The following TMEM170A variants were observed in gnomAD, a reference collection of about 807,000 sequenced individuals.
TMEM170A encodes transmembrane protein 170A, also known as transmembrane protein 170.
A neutral mutation model predicts 12.8 loss-of-function variants in TMEM170A; 18 were observed. That is an observed-to-expected ratio of 1.41 (90% CI 0.97 to 2.09). The LOEUF (loss-of-function observed/expected upper bound fraction) is 2.09. Among genes scored for constraint, TMEM170A ranks in the 30% most tolerant of loss-of-function variants. The pLI is 0.00. For missense variants in TMEM170A, 220 were observed against 179.9 expected (o/e 1.22, Z -1.28); for synonymous variants, 107 against 76.2 (o/e 1.40, Z -2.11).
intron 1 of TMEM170A, among the ~76,000 whole-genome samples, chr16:75,459,185 T>G (rs2079856040): frequency 6.6e-6 from 1 of 152,196 alleles, no homozygotes; most frequent in African/African-American, 2.4e-5. Context: ...TGAGCCACTG[T>G]GCCCAGCCTA....
intron 2 of TMEM170A, chr16:75,451,348 G>A (rs1017230831): frequency 1.4e-5 from 6 of 424,114 alleles, no homozygotes; most frequent in Non-Finnish European, 2.5e-5. Flanking sequence ...TCAGGAGTTC[G>A]AGACCCGGGC....
intron 1 of TMEM170A, among the ~76,000 whole-genome samples, chr16:75,463,931 C>G (rs978197735): frequency 2.0e-5 from 3 of 152,220 alleles, no homozygotes; most frequent in Admixed American, 1.3e-4. Context: ...TCCTAGAAAG[C>G]GGAGCGGGTC....
chr16:75,458,872 G>A (rs2079847459), intron 1 of TMEM170A: 1 of 152,060 alleles, frequency 6.6e-6, no homozygotes, highest in Admixed American at 6.6e-5. Context: ...TTTCCTTGAG[G>A]ATATATTTTT....
At chr16:75,456,669 G>A (rs551773294) in intron 1 of TMEM170A, among the ~76,000 whole-genome samples, 6 of 152,226 alleles carry the variant, frequency 3.9e-5, no homozygotes, top group Non-Finnish European at 5.9e-5. Context: ...GCCCAGAGAC[G>A]CACCCTCCCT....
At chr16:75,464,271 G>T in intron 1 of TMEM170A, 197 bp downstream of exon 1, 2 of 1,494,684 alleles carry the variant, frequency 1.3e-6, no homozygotes, top group South Asian at 1.2e-5. Flanking sequence ...GCGGGACTCC[G>T]GGGCTCCGCC....
Position 75,443,411 on chromosome 16 carries a change from C to T in TMEM170A, c.*4147G>A, listed in dbSNP as rs146896172. Reference sequence around the variant, plus strand: ...TAAGCTGATCTGAGTCACAACCAGCCTTATAGAGTGCACAAAAAAGAAATG... The same window carrying T: ...TAAGCTGATCTGAGTCACAACCAGCTTTATAGAGTGCACAAAAAAGAAATG... On this transcript the variant is annotated 3_prime_UTR_variant, in exon 3 of 3. Transcript: ENST00000561878. 84 of 152,158 alleles carry T rather than the reference C, an allele frequency of 5.5e-4. No homozygotes were observed. Among genetic ancestry groups the T allele is most frequent in the African/African-American group, 2.0e-3 (81 of 41,514 alleles). 9.4% of individuals were successfully genotyped at this position (152,158 alleles called of 1,614,324 possible). A position where few individuals can be genotyped will look rare whatever the true frequency, so the allele number is the denominator to read the frequency against.
At chr16:75,464,232 C>A (rs535308234) in intron 1 of TMEM170A, 59 of 1,503,516 alleles carry the variant, frequency 3.9e-5, no homozygotes, top group Admixed American at 2.1e-4. Context: ...CCGGGCCCAC[C>A]TGCGGCCGCT....
chr16:75,461,351 G>T (rs1250844822), intron 1 of TMEM170A, among the ~76,000 whole-genome samples: 2 of 152,160 alleles, frequency 1.3e-5, no homozygotes, highest in African/African-American at 4.8e-5. Context: ...ACGGCAACCG[G>T]CCAATTTAGT....
intron 1 of TMEM170A, among the ~76,000 whole-genome samples, chr16:75,463,225 G>C (rs1026187093): frequency 6.6e-6 from 1 of 152,104 alleles, no homozygotes; most frequent in African/African-American, 2.4e-5. Context: ...GATTAATCTG[G>C]TCCCAGTAGT....
rs567217378 is a variant in TMEM170A at position 75,451,132 on chromosome 16, C to T, written c.304+537G>A. ...TTCCTCTTGCTGGTGGCCTCTCTCA[C>T]GAGATATATCTCACAAAGTTTAACA... On this transcript the variant is annotated intron_variant, in intron 2 of 2. Transcript: ENST00000561878. Among the ~76,000 whole-genome samples, 10 of 152,190 alleles carry T rather than the reference C, an allele frequency of 6.6e-5. 1 individual carries two copies. In the South Asian group the frequency reaches 1.2e-3, roughly 19 times the overall value.
In TMEM170A at chr16:75,455,035, C is replaced by G. The variant is rs140211039; in HGVS notation, c.134-3196G>C. On this transcript the variant is annotated intron_variant, in intron 1 of 2. Transcript: ENST00000561878. ...ATTTGGAAAACACATTCTGTGCACC[C>G]ACGTAATACTACAAAGTCCCATTAA... Among the ~76,000 whole-genome samples the G allele has an allele frequency of 4.6e-3, 703 of 152,306 alleles. 3 individuals carry two copies. The highest frequency in any genetic ancestry group is 0.016 in the African/African-American group (651 of 41,564).
intron 1 of TMEM170A, among the ~76,000 whole-genome samples, chr16:75,459,342 A>C (rs1224389861): frequency 6.6e-6 from 1 of 152,208 alleles, no homozygotes; most frequent in East Asian, 1.9e-4. Flanking sequence ...CAGCAGAGTC[A>C]CCTAACTCCC....
At chr16:75,453,388 C>G (rs117739144) in intron 1 of TMEM170A, among the ~76,000 whole-genome samples, 1,738 of 152,274 alleles carry the variant, frequency 0.011, 15 homozygotes, top group Middle Eastern at 0.034. Flanking sequence ...AAGTCAAGAT[C>G]ATGCTACTGC....
chr16:75,451,630 A>G (rs370307534), intron 2 of TMEM170A, 39 bp downstream of exon 2: 485 of 1,607,700 alleles, frequency 3.0e-4, no homozygotes, highest in Non-Finnish European at 4.0e-4. Context: ...GACTAGTCAT[A>G]TTAAACATTT....
At chr16:75,464,419 C>T in intron 1 of TMEM170A, 49 bp downstream of exon 1, 1 of 1,398,738 alleles carries the variant, frequency 7.1e-7, no homozygotes, top group Non-Finnish European at 9.3e-7. Flanking sequence ...CACAGCACGG[C>T]AGCGGCGACG....
intron 2 of TMEM170A, among the ~76,000 whole-genome samples, chr16:75,450,992 A>G (rs2079670972): frequency 6.6e-6 from 1 of 152,138 alleles, no homozygotes; most frequent in Non-Finnish European, 1.5e-5. Context: ...TTTGTCTTCT[A>G]TCTTTACAGC....
At chr16:75,462,009 T>C (rs1267617794) in intron 1 of TMEM170A, among the ~76,000 whole-genome samples, 1 of 152,174 alleles carries the variant, frequency 6.6e-6, no homozygotes, top group African/African-American at 2.4e-5. Flanking sequence ...GACTATTCAG[T>C]TCCAACTTAT....
intron 1 of TMEM170A, among the ~76,000 whole-genome samples, chr16:75,453,828 C>G (rs1265085761): frequency 6.6e-6 from 1 of 152,200 alleles, no homozygotes; most frequent in Admixed American, 6.5e-5. Flanking sequence ...TAATCATCAA[C>G]TATGTATGAA....
At chr16:75,459,141 G>A (rs2079854922) in intron 1 of TMEM170A, among the ~76,000 whole-genome samples, 1 of 152,122 alleles carries the variant, frequency 6.6e-6, no homozygotes, top group African/African-American at 2.4e-5. Flanking sequence ...TGATCCACCC[G>A]CCTTGGCCTC....
Sources: allele counts gnomAD v4.1 joint callset (sites outside exome capture counted in the v4.1 genomes callset), GRCh38; gene constraint gnomAD v4.1.1; transcripts MANE v1.5; gene names NCBI Gene and HGNC (gene_info 2026-07-23, HGNC 2026-07-21).